Variants in SHISA6 observed in about 807,000 individuals in gnomAD.
The protein encoded by SHISA6 is protein shisa-6.
SHISA6 carries 22 observed loss-of-function variants against 47.9 expected under a neutral mutation model. That is an observed-to-expected ratio of 0.46 (90% CI 0.33 to 0.66). The LOEUF is 0.66. SHISA6 is among the 30% of genes least tolerant of loss of function. The probability of loss-of-function intolerance (pLI) is 0.02; values close to 1 mark genes in which losing one functional copy is unlikely to be tolerated. For missense variants in SHISA6, 680 were observed against 764.6 expected (o/e 0.89, Z 1.30); for synonymous variants, 388 against 337.8 (o/e 1.15, Z -1.63).
At chr17:11,437,626 A>G (rs11655279) in intron 3 of SHISA6, among the ~76,000 whole-genome samples, 5,283 of 152,268 alleles carry the variant, frequency 0.035, 130 homozygotes, top group Non-Finnish European at 0.055. Flanking sequence ...GTCAGATAGG[A>G]AGATTCCCCA....
chr17:11,241,963 A>G lies in SHISA6; in HGVS notation c.541A>G (p.Thr181Ala). The change falls in exon 1 of 6, where the codon ACC becomes GCC. Residue 181 changes from threonine to alanine, a missense_variant. Physicochemically the swap from Thr to Ala is moderately conservative, Grantham distance 58. Coordinates refer to ENST00000441885, the MANE Select transcript of SHISA6 (RefSeq NM_207386.4). This position sits in a 1 kb window ranked among gnomAD's most constrained non-coding sequence, Gnocchi z 5.5. Reference protein sequence around the residue: ...KDKTNFTVYITCGVIAFVIVA... With the variant: ...KDKTNFTVYIACGVIAFVIVA... ...CAAGACCAACTTCACCGTCTACATC[A>G]CCTGCGGGGTGATCGCCTTCGTCAT... 6.4e-7 allele frequency: 1 copy of G among 1,550,796 alleles called. No homozygotes were observed. The highest frequency in any genetic ancestry group is 8.7e-7 in the Non-Finnish European group (1 of 1,146,982).
At chr17:11,424,427 T>C (rs895451737) in intron 3 of SHISA6, among the ~76,000 whole-genome samples, 16 of 151,754 alleles carry the variant, frequency 1.1e-4, no homozygotes, top group Admixed American at 2.6e-4. Flanking sequence ...ATAGATACAT[T>C]ATAACACAAA....
At chr17:11,318,686 G>A (rs940520561) in intron 2 of SHISA6, among the ~76,000 whole-genome samples, 1 of 152,188 alleles carries the variant, frequency 6.6e-6, no homozygotes, top group African/African-American at 2.4e-5. Flanking sequence ...AGTAGGGACT[G>A]TGTCTGTTTT....
intron 2 of SHISA6, among the ~76,000 whole-genome samples, chr17:11,321,497 CT>C (rs1187844656): frequency 1.3e-5 from 2 of 152,140 alleles, no homozygotes; most frequent in African/African-American, 4.8e-5. Context: ...TTGTCTATGA[CT>C]TTATTTTTAA....
chr17:11,413,537 A>G (rs1189261565), intron 3 of SHISA6, among the ~76,000 whole-genome samples: 1 of 152,038 alleles, frequency 6.6e-6, no homozygotes, highest in Non-Finnish European at 1.5e-5. Context: ...AACGACCACC[A>G]TCTACCTGAG....
intron 2 of SHISA6, among the ~76,000 whole-genome samples, chr17:11,302,060 A>T (rs566673211): frequency 1.5e-4 from 23 of 152,302 alleles, no homozygotes; most frequent in Non-Finnish European, 3.1e-4. Context: ...CTTATTCACT[A>T]TTATGAGAAT....
At chr17:11,246,832 T>C (rs928636328) in intron 1 of SHISA6, among the ~76,000 whole-genome samples, 7 of 148,086 alleles carry the variant, frequency 4.7e-5, no homozygotes, top group Non-Finnish European at 8.9e-5. Flanking sequence ...CTTTGATATA[T>C]GAGGTTAGCA....
At chr17:11,509,509 G>A (rs1163310689) in intron 3 of SHISA6, among the ~76,000 whole-genome samples, 5 of 152,170 alleles carry the variant, frequency 3.3e-5, no homozygotes, top group African/African-American at 1.2e-4. Flanking sequence ...TAACCAGCAC[G>A]AACACTTTCC....
chr17:11,515,170 T>C (rs1402416307), intron 3 of SHISA6, among the ~76,000 whole-genome samples: 8 of 150,012 alleles, frequency 5.3e-5, no homozygotes, highest in Non-Finnish European at 1.2e-4. Flanking sequence ...AGAAGAACCC[T>C]TAGAAAATGC....
chr17:11,386,858 G>A (rs925752820), intron 3 of SHISA6, among the ~76,000 whole-genome samples: 3 of 152,314 alleles, frequency 2.0e-5, no homozygotes, highest in East Asian at 1.9e-4. Context: ...TAGGGTGACC[G>A]ACCATCCCGG....
chr17:11,285,927 C>T (rs1426079054), intron 2 of SHISA6, among the ~76,000 whole-genome samples: 3 of 151,464 alleles, frequency 2.0e-5, no homozygotes, highest in African/African-American at 4.9e-5. Context: ...ACGTCAGTCT[C>T]GTGGGTTCAA....
intron 2 of SHISA6, among the ~76,000 whole-genome samples, chr17:11,291,210 G>A (rs1354051963): frequency 6.6e-6 from 1 of 151,962 alleles, no homozygotes; most frequent in Non-Finnish European, 1.5e-5. Flanking sequence ...GATGAGAGTG[G>A]TACCTCCCAT....
rs1261132808 is a variant in SHISA6 at position 11,560,054 on chromosome 17, T to TA, written c.*1755dup. 6.6e-6 allele frequency: 1 copy of TA among 152,206 alleles called. No homozygotes were observed. The highest frequency in any genetic ancestry group is 1.5e-5 in the Non-Finnish European group (1 of 68,050). 9.4% of individuals were successfully genotyped at this position (152,206 alleles called of 1,614,324 possible). On this transcript the variant is annotated 3_prime_UTR_variant, in exon 6 of 6. Transcript: ENST00000441885. The stretch of plus-strand genomic sequence containing the variant: ...CCTCAGTTCTGCACTCATGGCCCTT[T>TA]AAAAAGGCGAGTGTAGAAGGAGAAT...
chr17:11,520,293 C>T (rs896023835), intron 3 of SHISA6, among the ~76,000 whole-genome samples: 1 of 152,194 alleles, frequency 6.6e-6, no homozygotes, highest in African/African-American at 2.4e-5. Flanking sequence ...CCCATCTCAG[C>T]AAAGGATGAA....
chr17:11,540,730 A>G (rs1230409475), intron 3 of SHISA6, among the ~76,000 whole-genome samples: 2 of 152,200 alleles, frequency 1.3e-5, no homozygotes, highest in African/African-American at 2.4e-5. Context: ...CAGTGCCTTT[A>G]ACATGCATGG....
At chr17:11,272,224 G>T (rs200165878) in intron 2 of SHISA6, among the ~76,000 whole-genome samples, 1 of 152,104 alleles carries the variant, frequency 6.6e-6, no homozygotes, top group East Asian at 1.9e-4. Flanking sequence ...TCCTTATGGG[G>T]ACTCACTCTC....
At chr17:11,255,973 T>C (rs1907992438) in intron 1 of SHISA6, among the ~76,000 whole-genome samples, 1 of 152,254 alleles carries the variant, frequency 6.6e-6, no homozygotes, top group Admixed American at 6.5e-5. Context: ...TTAATCCTTA[T>C]GATAACCCTA....
At chr17:11,481,531 C>T (rs1265300568) in intron 3 of SHISA6, among the ~76,000 whole-genome samples, 13 of 150,244 alleles carry the variant, frequency 8.7e-5, no homozygotes, top group Non-Finnish European at 1.5e-4. Context: ...CTCGCTCCGT[C>T]GCCCAGGCTG....
intron 3 of SHISA6, among the ~76,000 whole-genome samples, chr17:11,520,743 T>C (rs1294178613): frequency 1.3e-5 from 2 of 152,170 alleles, no homozygotes; most frequent in African/African-American, 4.8e-5. Context: ...TTCTCATCCA[T>C]GAGACCTCTG....
Sources: allele counts gnomAD v4.1 joint callset (sites outside exome capture counted in the v4.1 genomes callset), GRCh38; gene constraint gnomAD v4.1.1; non-coding constraint Gnocchi (gnomAD v3.1); transcripts MANE v1.5; gene names NCBI Gene and HGNC (gene_info 2026-07-23, HGNC 2026-07-21).